The following EYA4 variants were observed in gnomAD, a reference collection of about 807,000 sequenced individuals.
The protein encoded by EYA4 is protein phosphatase EYA4.
EYA4 carries 31 observed loss-of-function variants against 87.9 expected under a neutral mutation model. The ratio of observed to expected loss-of-function variants is 0.35; its 90% confidence interval spans 0.27 to 0.48. The LOEUF (loss-of-function observed/expected upper bound fraction) is 0.48. Ranked by LOEUF, EYA4 falls within the 20% of genes least tolerant of loss-of-function variation. The pLI, the probability that EYA4 is intolerant of heterozygous loss-of-function variation, is 0.99. For synonymous variants in EYA4, 263 were observed against 270.6 expected, an observed-to-expected ratio of 0.97 and a Z score of 0.28; for missense variants, 678 against 761.4, an observed-to-expected ratio of 0.89 and a Z score of 1.29.
chr6:133,529,700 G>A lies in EYA4; in HGVS notation c.*895G>A. 1 of 985,010 alleles carries A rather than the reference G, an allele frequency of 1.0e-6. No homozygotes were observed. The allele number at this position is 985,010 out of a possible 1,614,324, so 61.0% of individuals were successfully genotyped here. A position where few individuals can be genotyped will look rare whatever the true frequency, so the allele number is the denominator to read the frequency against. Reference sequence around the variant, plus strand: ...TGGGTTCTTAATAATTCCAATAATTGTATGAGGCAACTATTTGCGCATCCA... The same window carrying A: ...TGGGTTCTTAATAATTCCAATAATTATATGAGGCAACTATTTGCGCATCCA... On this transcript the variant is annotated 3_prime_UTR_variant, in exon 20 of 20. Coordinates refer to ENST00000355286, the MANE Select transcript of EYA4 (RefSeq NM_004100.5).
At chr6:133,249,662 G>A (rs886326943) in intron 1 of EYA4, among the ~76,000 whole-genome samples, 3 of 152,116 alleles carry the variant, frequency 2.0e-5, no homozygotes, top group African/African-American at 4.8e-5. Context: ...TTCTTTGTGC[G>A]TGGAATGCTT....
At chr6:133,252,197 G>A (rs1349666374) in intron 1 of EYA4, among the ~76,000 whole-genome samples, 1 of 152,086 alleles carries the variant, frequency 6.6e-6, no homozygotes, top group African/African-American at 2.4e-5. Context: ...TAAATATTCA[G>A]TAATAAGAAA....
Position 133,513,048 on chromosome 6 carries a change from G to C in EYA4, c.1501+10G>C. On this transcript the variant is annotated intron_variant, in intron 16 of 19. Transcript: ENST00000355286. The stretch of plus-strand genomic sequence containing the variant: ...AAGAACAACGTTGGAGGTATGTGTG[G>C]CTTTTTCAATCTAACAAAGGTACTC... The C allele has an allele frequency of 6.2e-7, 1 of 1,612,672 alleles. No individual in the cohort carries two copies. The highest frequency in any genetic ancestry group is 8.5e-7 in the Non-Finnish European group (1 of 1,178,782).
chr6:133,336,441 A>G (rs932863450), intron 2 of EYA4, among the ~76,000 whole-genome samples: 1 of 152,202 alleles, frequency 6.6e-6, no homozygotes, highest in African/African-American at 2.4e-5. Context: ...ACCTGACCAC[A>G]ATCAAGCCTC....
intron 11 of EYA4, among the ~76,000 whole-genome samples, chr6:133,479,940 G>A (rs1046280526): frequency 6.6e-5 from 10 of 152,140 alleles, no homozygotes; most frequent in Admixed American, 2.6e-4. Context: ...AATCATTTCA[G>A]AGTTTTAGAT....
chr6:133,358,228 G>A (rs1784212891), intron 2 of EYA4, among the ~76,000 whole-genome samples: 1 of 152,110 alleles, frequency 6.6e-6, no homozygotes, highest in African/African-American at 2.4e-5. Flanking sequence ...TTTAAGGTAG[G>A]GGTAATCTAG....
At chr6:133,278,941 G>T (rs767343704) in intron 2 of EYA4, among the ~76,000 whole-genome samples, 1 of 152,082 alleles carries the variant, frequency 6.6e-6, no homozygotes, top group Non-Finnish European at 1.5e-5. Context: ...GTTATACCTA[G>T]CAATAGCTCC....
At chr6:133,342,574 C>T (rs1432394793) in intron 2 of EYA4, among the ~76,000 whole-genome samples, 1 of 100,468 alleles carries the variant, frequency 1.0e-5, no homozygotes, top group Non-Finnish European at 2.0e-5. Flanking sequence ...TACACACTGC[C>T]ATATATATAT....
chr6:133,397,649 C>T (rs1300883254), intron 3 of EYA4, among the ~76,000 whole-genome samples: 2 of 152,070 alleles, frequency 1.3e-5, no homozygotes, highest in African/African-American at 2.4e-5. Context: ...TATGATATAT[C>T]CCCATGTGTA....
chr6:133,407,593 C>T (rs902708374), intron 3 of EYA4, among the ~76,000 whole-genome samples: 1 of 152,070 alleles, frequency 6.6e-6, no homozygotes, highest in Admixed American at 6.6e-5. Flanking sequence ...AGATAACATG[C>T]AATCATAAAT....
At chr6:133,359,863 G>C (rs1210798017) in intron 2 of EYA4, among the ~76,000 whole-genome samples, 1 of 152,122 alleles carries the variant, frequency 6.6e-6, no homozygotes, top group Non-Finnish European at 1.5e-5. Flanking sequence ...AGCCAGACTG[G>C]ACAGCTGTCC....
chr6:133,530,357 C>A lies in EYA4; in HGVS notation c.*1552C>A. The A allele has an allele frequency of 1.0e-6, 1 of 985,406 alleles. No homozygotes were observed. The highest frequency in any genetic ancestry group is 1.7e-5 in the African/African-American group (1 of 57,350). The allele number at this position is 985,406 out of a possible 1,614,324, so 61.0% of individuals were successfully genotyped here. A position where few individuals can be genotyped will look rare whatever the true frequency, so the allele number is the denominator to read the frequency against. ...GCATGGTTTTTTTCCTTGTGTGTAG[C>A]CCATGTTGGGAACACGATACAGGTT... is the stretch of plus-strand genomic sequence containing the variant. On this transcript the variant is annotated 3_prime_UTR_variant, in exon 20 of 20. Transcript: ENST00000355286.
At chr6:133,407,257 T>G (rs1583196788) in intron 3 of EYA4, among the ~76,000 whole-genome samples, 1 of 151,762 alleles carries the variant, frequency 6.6e-6, no homozygotes, top group Admixed American at 6.6e-5. Flanking sequence ...TAGGGTTTTT[T>G]TTTTTTTTTT....
At chr6:133,405,033 C>T (rs868583817) in intron 3 of EYA4, among the ~76,000 whole-genome samples, 1 of 152,134 alleles carries the variant, frequency 6.6e-6, no homozygotes, top group African/African-American at 2.4e-5. Flanking sequence ...CTTTTATTTT[C>T]TCACTTAAGA....
At chr6:133,420,762 A>G (rs1790150141) in intron 3 of EYA4, among the ~76,000 whole-genome samples, 2 of 152,222 alleles carry the variant, frequency 1.3e-5, no homozygotes, top group African/African-American at 2.4e-5. Flanking sequence ...TGCTAACTCC[A>G]TGGCATAACT....
At chr6:133,276,704 G>A (rs1457755322) in intron 2 of EYA4, among the ~76,000 whole-genome samples, 1 of 152,082 alleles carries the variant, frequency 6.6e-6, no homozygotes, top group Non-Finnish European at 1.5e-5. Flanking sequence ...CAAACATGTA[G>A]ACCAATGTAT....
At chr6:133,452,441 A>G (rs1341331621) in intron 5 of EYA4, among the ~76,000 whole-genome samples, 1 of 152,150 alleles carries the variant, frequency 6.6e-6, no homozygotes, top group African/African-American at 2.4e-5. Context: ...TTATGATAAT[A>G]AAACAGACTT....
chr6:133,452,656 A>G (rs1793561919), intron 5 of EYA4, among the ~76,000 whole-genome samples: 1 of 152,124 alleles, frequency 6.6e-6, no homozygotes, highest in Non-Finnish European at 1.5e-5. Context: ...ATAGATAAGA[A>G]TTATTTTTAA....
At chr6:133,355,884 C>T (rs1045994245) in intron 2 of EYA4, among the ~76,000 whole-genome samples, 17 of 151,920 alleles carry the variant, frequency 1.1e-4, no homozygotes, top group South Asian at 6.2e-4. Context: ...CTCAGGCTGC[C>T]GTTACAAAAT....
Sources: gnomAD v4.1 joint callset for allele counts (sites outside exome capture counted in the v4.1 genomes callset) on GRCh38, gnomAD v4.1.1 for gene constraint, MANE v1.5 for transcripts, NCBI Gene and HGNC (gene_info 2026-07-23, HGNC 2026-07-21) for gene names.